The following SLX9 variants were observed in gnomAD, a reference collection of about 807,000 sequenced individuals.
The protein encoded by SLX9 is ribosome biogenesis protein SLX9 homolog.
A neutral mutation model predicts 20.8 loss-of-function variants in SLX9; 19 were observed. That is an observed-to-expected ratio of 0.91 (90% confidence interval 0.64 to 1.34). The LOEUF (loss-of-function observed/expected upper bound fraction) is 1.34. Ranked by LOEUF, SLX9 falls within the 40% of genes most tolerant of loss-of-function variation. The probability of loss-of-function intolerance (pLI) is 0.00; values close to 1 mark genes in which losing one functional copy is unlikely to be tolerated. For synonymous variants in SLX9, 113 were observed against 137.1 expected, an observed-to-expected ratio of 0.82 and a Z score of 1.23; for missense variants, 299 against 322.2, an observed-to-expected ratio of 0.93 and a Z score of 0.55.
intron 2 of SLX9, among the ~76,000 whole-genome samples, chr21:44,955,079 G>T (rs139606372): frequency 0.012 from 1,822 of 152,148 alleles, 37 homozygotes; most frequent in African/African-American, 0.041. Context: ...AGCTGGGTGT[G>T]GTGGTGTGTG....
intron 4 of SLX9, among the ~76,000 whole-genome samples, chr21:44,968,715 C>T (rs1413050995): frequency 6.6e-6 from 1 of 151,006 alleles, no homozygotes; most frequent in Non-Finnish European, 1.5e-5. Context: ...TCTGTCTCAG[C>T]TTCTGGGCCT....
rs140961909 is a variant in SLX9 at position 44,948,666 on chromosome 21, G to A, written c.283+4829G>A. Among the ~76,000 whole-genome samples the A allele has an allele frequency of 7.9e-5, 12 of 152,324 alleles. No homozygotes were observed. In the East Asian group the frequency reaches 9.7e-4, roughly 12 times the overall value. On this transcript the variant is annotated intron_variant, in intron 2 of 5. Coordinates refer to ENST00000291634, the MANE Select transcript of SLX9 (RefSeq NM_058190.4). ...AGAGGGAGCTCACAGCATGGTGGAC[G>A]GCTTGGGGGCGGTGGGGGCATGAGA...
At chr21:44,946,350 T>A (rs1343941765) in intron 2 of SLX9, among the ~76,000 whole-genome samples, 1 of 152,140 alleles carries the variant, frequency 6.6e-6, no homozygotes, top group East Asian at 1.9e-4. Context: ...CCTGAGCTCG[T>A]GCTGACAGTA....
intron 4 of SLX9, among the ~76,000 whole-genome samples, chr21:44,969,749 ATTAATAG>A (rs952070000): frequency 5.9e-5 from 9 of 152,108 alleles, no homozygotes; most frequent in Non-Finnish European, 1.3e-4. Flanking sequence ...GCGTTAAGTA[ATTAATAG>A]TTAACTAAAG....
rs1013099271 is a variant in SLX9 at position 44,976,950 on chromosome 21, C to T, written c.*147C>T. ...TCAATAAATGGCTCTGTGAACTTCC[C>T]CTGCACTGCCAGGGCCGTTCCCATG... On this transcript the variant is annotated 3_prime_UTR_variant, in exon 6 of 6. Transcript: ENST00000291634. 26 of 1,144,576 alleles carry T rather than the reference C, an allele frequency of 2.3e-5. No homozygotes were observed. The African/African-American group carries it at 3.7e-4, about 16-fold the overall frequency. 70.9% of individuals were successfully genotyped at this position (1,144,576 alleles called of 1,614,324 possible). A position where few individuals can be genotyped will look rare whatever the true frequency, so the allele number is the denominator to read the frequency against.
intron 5 of SLX9, among the ~76,000 whole-genome samples, chr21:44,976,471 C>T (rs974511482): frequency 2.6e-5 from 4 of 152,208 alleles, no homozygotes; most frequent in Admixed American, 2.0e-4. Context: ...CCACAGTGGG[C>T]GCTGCCAGGG....
chr21:44,975,559 A>G (rs1312613815), intron 5 of SLX9, among the ~76,000 whole-genome samples: 1 of 152,226 alleles, frequency 6.6e-6, no homozygotes, highest in African/African-American at 2.4e-5. Context: ...GCTCTGACCC[A>G]GGACTCTGCC....
At chr21:44,946,682 G>A (rs1200511710) in intron 2 of SLX9, among the ~76,000 whole-genome samples, 1 of 152,236 alleles carries the variant, frequency 6.6e-6, no homozygotes, top group Non-Finnish European at 1.5e-5. Context: ...CATCGCCGCG[G>A]GCCCCCATTA....
chr21:44,967,728 G>A (rs774736050), intron 4 of SLX9, among the ~76,000 whole-genome samples: 11 of 152,210 alleles, frequency 7.2e-5, no homozygotes, highest in Non-Finnish European at 1.3e-4. Context: ...GCCTGCTGTC[G>A]GGTGTGGTGA....
rs1441474067 is a variant in SLX9 at position 44,943,706 on chromosome 21, A to G, written c.152A>G (p.Asn51Ser). ...TAGGACTGGGCGTTCATCAACACCA[A>G]CATCTTTGCCAGGACCAAGATAGAC... is the stretch of plus-strand genomic sequence containing the variant. The part of the protein sequence containing the change: ...AGKDWAFINT[N>S]IFARTKIDPS... Residue 51 changes from asparagine (N) to serine (S), a missense_variant, in exon 2 of 6, where the codon AAC (asparagine) becomes AGC (serine). Coordinates refer to ENST00000291634, the MANE Select transcript of SLX9 (RefSeq NM_058190.4). The G allele has an allele frequency of 6.2e-6, 10 of 1,614,156 alleles. No homozygotes were observed. Among genetic ancestry groups the G allele is most frequent in the South Asian group, 2.2e-5 (2 of 91,080 alleles).
intron 4 of SLX9, among the ~76,000 whole-genome samples, chr21:44,969,716 C>G (rs2085108090): frequency 1.3e-5 from 2 of 152,308 alleles, no homozygotes; most frequent in Admixed American, 1.3e-4. Context: ...TGGAAGGAAC[C>G]AGTATCAACA....
At chr21:44,954,567 G>A (rs1439676971) in intron 2 of SLX9, among the ~76,000 whole-genome samples, 1 of 152,190 alleles carries the variant, frequency 6.6e-6, no homozygotes, top group Non-Finnish European at 1.5e-5. Flanking sequence ...CCTTTCCTCA[G>A]GACTGCGGAG....
Position 44,967,055 on chromosome 21 carries a change from C to T in SLX9, c.374C>T (p.Ala125Val), listed in dbSNP as rs2085049089. The T allele has an allele frequency of 6.2e-7, 1 of 1,611,210 alleles. No individual in the cohort carries two copies. Among genetic ancestry groups the T allele is most frequent in the Non-Finnish European group, 8.5e-7 (1 of 1,179,552 alleles). The change falls in exon 4 of 6, where the codon GCT (alanine) becomes GTT (valine). Residue 125 changes from alanine to valine, a missense_variant. Ala to Val is a moderately conservative substitution (Grantham distance 64). Coordinates refer to ENST00000291634, the MANE Select transcript of SLX9 (RefSeq NM_058190.4). ...WLQKIEAIKL[A>V]EQKHREERRR... Reference sequence around the variant, plus strand: ...TTAGAAATCGAAGCCATAAAACTGGCTGAGCAGAAGCACAGGGAGGAGCGG... The same window carrying T: ...TTAGAAATCGAAGCCATAAAACTGGTTGAGCAGAAGCACAGGGAGGAGCGG...
intron 2 of SLX9, among the ~76,000 whole-genome samples, chr21:44,948,266 T>G (rs1165207731): frequency 7.3e-6 from 1 of 137,466 alleles, no homozygotes; most frequent in African/African-American, 2.8e-5. Context: ...TCGTGAAGCA[T>G]CGGGCGGTCC....
intron 2 of SLX9, among the ~76,000 whole-genome samples, chr21:44,948,606 G>A (rs559107950): frequency 6.6e-6 from 1 of 152,324 alleles, no homozygotes; most frequent in East Asian, 1.9e-4. Context: ...GGCCCCTGGA[G>A]CAGAGGATGT....
intron 1 of SLX9, among the ~76,000 whole-genome samples, chr21:44,941,906 C>T (rs58520124): frequency 0.045 from 6,783 of 152,258 alleles, 553 homozygotes; most frequent in African/African-American, 0.16. Context: ...AAGGCGAGTC[C>T]CTTCTGGCAG....
intron 5 of SLX9, among the ~76,000 whole-genome samples, chr21:44,973,733 C>G (rs1265228021): frequency 1.3e-5 from 2 of 152,012 alleles, no homozygotes; most frequent in South Asian, 2.1e-4. Flanking sequence ...CTGAGTGCCT[C>G]CAGCCTGCCC....
rs766317444 is a variant in SLX9 at position 44,967,165 on chromosome 21, C to T, written c.484C>T (p.Arg162Trp). Residue 162 changes from arginine to tryptophan, a missense_variant, in exon 4 of 6, where the codon CGG becomes TGG. By Grantham distance (101) the Arg-to-Trp change is moderately radical. Transcript: ENST00000291634. ...GCTGCTGGGGCTCGAGGCTGGCAGC[C>T]GGCGCCAAGCCCGCAGGTGAGTGTC... ...PELLGLEAGSRRQARSRESNK... is the reference protein window; with the variant it reads ...PELLGLEAGSWRQARSRESNK... 9 of 1,586,968 alleles carry T rather than the reference C, an allele frequency of 5.7e-6. No homozygotes were observed. The highest frequency in any genetic ancestry group is 1.9e-4 in the Middle Eastern group (1 of 5,154).
intron 2 of SLX9, among the ~76,000 whole-genome samples, chr21:44,945,531 C>T (rs902816069): frequency 1.3e-5 from 2 of 152,194 alleles, no homozygotes; most frequent in African/African-American, 2.4e-5. Context: ...CTGACTGTCA[C>T]GTCCCCTCTT....
Sources: allele counts gnomAD v4.1 joint callset (sites outside exome capture counted in the v4.1 genomes callset), GRCh38; gene constraint gnomAD v4.1.1; transcripts MANE v1.5; gene names NCBI Gene and HGNC (gene_info 2026-07-23, HGNC 2026-07-21).